Variants in MTA3 observed in about 807,000 individuals in gnomAD.
MTA3 encodes the protein metastasis-associated protein MTA3.
Under a neutral mutation model 83.5 loss-of-function variants are expected in MTA3, and 34 were observed. The ratio of observed to expected loss-of-function variants is 0.41; its 90% CI spans 0.31 to 0.54. MTA3 has a LOEUF of 0.54. Among genes scored for constraint, MTA3 ranks in the 20% least tolerant of loss-of-function variants. The pLI is 0.33. For synonymous variants in MTA3, 303 were observed against 252.7 expected (o/e 1.20, Z -1.89); for missense variants, 761 against 726.4 (o/e 1.05, Z -0.55).
At chr2:42,548,880 T>TATATACATA (rs1676933478) in intron 2 of MTA3, among the ~76,000 whole-genome samples, 1 of 54,946 alleles carries the variant, frequency 1.8e-5, no homozygotes, top group Non-Finnish European at 3.3e-5. Flanking sequence ...ATATATAATA[T>TATATACATA]ATATATATAT....
chr2:42,502,180 G>A lies in MTA3; in HGVS notation c.-141+6926G>A, dbSNP rs551180737. On this transcript the variant is annotated intron_variant, in intron 2 of 17. Coordinates refer to the MTA3 transcript ENST00000405592. ...GGGGGTGGCCAACAGGTCATAAATG[G>A]ATTCAAAGATTTCCTGATTTGCAAT... Among the ~76,000 whole-genome samples, 7 of 152,178 alleles carry A rather than the reference G, an allele frequency of 4.6e-5. No homozygotes were observed. In the South Asian group the frequency reaches 1.5e-3, roughly 32 times the overall value.
intron 6 of MTA3, among the ~76,000 whole-genome samples, chr2:42,645,167 C>G (rs1688055267): frequency 1.5e-5 from 2 of 132,238 alleles, no homozygotes; most frequent in Admixed American, 1.7e-4. Context: ...CAGAGTGAGA[C>G]TCTGTCTCAA....
chr2:42,568,696 G>A lies in MTA3; in HGVS notation c.-50G>A, dbSNP rs563433457. ...TCGCGGCTGAGGCTGAGGAGGAGGC[G>A]GCGGCGGCGGGCGGGGCTCGGCTCG... is the stretch of plus-strand genomic sequence containing the variant. On this transcript the variant is annotated 5_prime_UTR_variant, in exon 1 of 17. Coordinates refer to ENST00000405094, the MANE Select transcript of MTA3 (RefSeq NM_001330442.2). The A allele has an allele frequency of 2.0e-3, 2,439 of 1,194,124 alleles. 34 individuals are homozygous for A. The African/African-American group carries it at 0.033, about 16-fold the overall frequency. The allele number at this position is 1,194,124 out of a possible 1,614,324, so 74.0% of individuals were successfully genotyped here.
intron 4 of MTA3, among the ~76,000 whole-genome samples, chr2:42,611,322 TAC>T (rs141803741): frequency 1.9e-4 from 3 of 15,988 alleles, no homozygotes; most frequent in Non-Finnish European, 1.3e-4. Context: ...ACTTAACACA[TAC>T]ACACACACAC....
At chr2:42,748,201 TTGTGTGTGTGTGTG>T (rs61339061) in intron 16 of MTA3, among the ~76,000 whole-genome samples, 1 of 137,714 alleles carries the variant, frequency 7.3e-6, no homozygotes, top group East Asian at 2.1e-4. Flanking sequence ...GCTAATGTGT[TTGTGTGTGTGTGTG>T]TGTGTGTGTG....
intron 2 of MTA3, among the ~76,000 whole-genome samples, chr2:42,561,887 G>C (rs1409117014): frequency 6.6e-6 from 1 of 152,188 alleles, no homozygotes; most frequent in Non-Finnish European, 1.5e-5. Flanking sequence ...GATACCATCT[G>C]TAGGAGTTTC....
intron 2 of MTA3, among the ~76,000 whole-genome samples, chr2:42,500,356 G>A (rs1306278148): frequency 6.6e-6 from 1 of 151,992 alleles, no homozygotes. Context: ...CCGAGATCAC[G>A]CCACTGTACT....
chr2:42,704,445 G>A, intron 12 of MTA3, 127 bp downstream of exon 12: 1 of 1,082,942 alleles, frequency 9.2e-7, no homozygotes, highest in Non-Finnish European at 1.3e-6. Context: ...TCCTCTAAAT[G>A]AGTAGATGCC....
At chr2:42,572,310 G>A (rs1055945401) in intron 2 of MTA3, among the ~76,000 whole-genome samples, 26 of 151,956 alleles carry the variant, frequency 1.7e-4, no homozygotes, top group African/African-American at 6.3e-4. Flanking sequence ...TAAATTGTCT[G>A]TGGTAGCTCA....
chr2:42,699,100 C>T (rs984958612), intron 11 of MTA3, among the ~76,000 whole-genome samples: 5 of 152,310 alleles, frequency 3.3e-5, no homozygotes, highest in Admixed American at 2.6e-4. Context: ...TTTGGCTTTA[C>T]GCTGACTTTG....
At chr2:42,711,848 C>G (rs1666649554) in intron 14 of MTA3, among the ~76,000 whole-genome samples, 1 of 148,410 alleles carries the variant, frequency 6.7e-6, no homozygotes, top group African/African-American at 2.5e-5. Context: ...TTCTCAAAGG[C>G]AGTGTTAGGC....
chr2:42,622,211 C>T lies in MTA3; in HGVS notation c.317+12627C>T, dbSNP rs541811879. On this transcript the variant is annotated intron_variant, in intron 4 of 16. Transcript: ENST00000405094. ...CGCGGTTAGGAGCTGGAGACCAGCC[C>T]GGCCAACACAGCGAAACCCCGTCTC... 1.4e-3 allele frequency among the ~76,000 whole-genome samples: 209 copies of T among 152,244 alleles called. 1 individual carries two copies. Among genetic ancestry groups the T allele is most frequent in the Non-Finnish European group, 2.2e-3 (151 of 68,018 alleles).
At chr2:42,670,065 G>T (rs1690655372) in intron 8 of MTA3, among the ~76,000 whole-genome samples, 1 of 152,168 alleles carries the variant, frequency 6.6e-6, no homozygotes, top group Non-Finnish European at 1.5e-5. Flanking sequence ...TTCGAGACCA[G>T]CCTGACCAAC....
At position 42,677,560 on chromosome 2, in the gene MTA3, T is replaced by A. The variant is rs1691494295; in HGVS notation, c.703-4841T>A. 2.0e-5 allele frequency among the ~76,000 whole-genome samples: 3 copies of A among 151,960 alleles called. No individual in the cohort carries two copies. The South Asian group carries it at 6.2e-4, about 32-fold the overall frequency. Reference sequence around the variant, plus strand: ...TTTTCGCCGTGTTGTCCAGGGGTGGTCTCAAACTCCTGAGCTCAGGCAGTC... The same window carrying A: ...TTTTCGCCGTGTTGTCCAGGGGTGGACTCAAACTCCTGAGCTCAGGCAGTC... On this transcript the variant is annotated intron_variant, in intron 8 of 16. Transcript: ENST00000405094.
chr2:42,708,098 T>A, intron 13 of MTA3, 44 bp downstream of exon 13: 1 of 1,558,642 alleles, frequency 6.4e-7, no homozygotes, highest in Non-Finnish European at 8.6e-7. Flanking sequence ...TGTTTTTAAA[T>A]GGGTTGATTA....
intron 6 of MTA3, among the ~76,000 whole-genome samples, chr2:42,646,312 G>A (rs977068808): frequency 5.9e-5 from 9 of 152,230 alleles, no homozygotes; most frequent in African/African-American, 2.2e-4. Context: ...CCATTCTGGA[G>A]TCTATGGATC....
At chr2:42,703,056 C>A (rs1385002422) in intron 11 of MTA3, 1 of 152,084 alleles carries the variant, frequency 6.6e-6, no homozygotes, top group African/African-American at 2.4e-5. Flanking sequence ...AACTCCTGGG[C>A]TCAAGTGATC....
chr2:42,547,928 T>A (rs892533840), intron 2 of MTA3, among the ~76,000 whole-genome samples: 1 of 152,184 alleles, frequency 6.6e-6, no homozygotes, highest in Admixed American at 6.6e-5. Flanking sequence ...TCTATTAAGC[T>A]AGGTTGCAGT....
At chr2:42,724,277 A>AACACACAC (rs34379999) in intron 16 of MTA3, among the ~76,000 whole-genome samples, 5,398 of 72,986 alleles carry the variant, frequency 0.074, 400 homozygotes, top group East Asian at 0.097. Context: ...AGTCCTGAAA[A>AACACACAC]ACACACACAC....
Sources: gnomAD v4.1 joint callset for allele counts (sites outside exome capture counted in the v4.1 genomes callset) on GRCh38, gnomAD v4.1.1 for gene constraint, MANE v1.5 for transcripts, NCBI Gene and HGNC (gene_info 2026-07-23, HGNC 2026-07-21) for gene names.